The following DKK4 variants were observed in gnomAD, a reference collection of about 807,000 sequenced individuals.
DKK4 encodes dickkopf-related protein 4.
Under a neutral mutation model 14.5 loss-of-function variants are expected in DKK4, and 15 were observed. The ratio of observed to expected loss-of-function variants is 1.03; its 90% CI spans 0.69 to 1.59. The LOEUF (loss-of-function observed/expected upper bound fraction) is 1.59. Ranked by LOEUF, DKK4 falls within the 40% of genes most tolerant of loss-of-function variation. The pLI is 0.00. For synonymous variants in DKK4, 89 were observed against 105.2 expected (o/e 0.85, Z 0.94); for missense variants, 272 against 280.3 (o/e 0.97, Z 0.21).
chr8:42,384,701 C>T, the DKK4 span, among the ~76,000 whole-genome samples: 3 of 152,080 alleles, frequency 2.0e-5, no homozygotes, highest in African/African-American at 4.8e-5. Context: ...ATGAAGACAC[C>T]GAGACTCGGA....
In DKK4 at chr8:42,377,068, A is replaced by C; in HGVS notation, c.-23T>G. 1 of 1,603,134 alleles carries C rather than the reference A, an allele frequency of 6.2e-7. No individual in the cohort carries two copies. Among genetic ancestry groups the C allele is most frequent in the Non-Finnish European group, 8.5e-7 (1 of 1,174,084 alleles). On this transcript the variant is annotated 5_prime_UTR_variant, in exon 1 of 4. Transcript: ENST00000220812. ...CATCCTTCAATCCCGGGGCTCCTGG[A>C]GGGTCCCAGCACTGTGCGTCACCAA... is the stretch of plus-strand genomic sequence containing the variant.
the DKK4 span, among the ~76,000 whole-genome samples, chr8:42,382,726 G>A: frequency 2.8e-3 from 431 of 152,356 alleles, 1 homozygote; most frequent in African/African-American, 8.8e-3. Flanking sequence ...ATTTCAGGCT[G>A]ATGCTTCAAG....
Position 42,374,168 on chromosome 8 carries a change from G to C in DKK4, c.607C>G (p.Arg203Gly). ...RCDCGPGLLC[R>G]SQLTSNRQHA... is the part of the protein sequence containing the mutation. ...TGCCGATTGCTGGTCAATTGGCTTCGACACAGTAGTCCAGGGCCACAGTCG... is the reference window on the plus strand; with the variant it reads ...TGCCGATTGCTGGTCAATTGGCTTCCACACAGTAGTCCAGGGCCACAGTCG... Residue 203 changes from arginine (R) to glycine (G), a missense_variant, in exon 4 of 4, where the codon CGA becomes GGA. By Grantham distance (125) the Arg-to-Gly change is moderately radical. Coordinates refer to ENST00000220812, the MANE Select transcript of DKK4 (RefSeq NM_014420.3). 1 of 1,613,470 alleles carries C rather than the reference G, an allele frequency of 6.2e-7. No individual in the cohort carries two copies. The highest frequency in any genetic ancestry group is 8.5e-7 in the Non-Finnish European group (1 of 1,180,004).
At chr8:42,375,851 C>G in intron 1 of DKK4, 21 bp from the exon 2 acceptor site, 1 of 1,612,392 alleles carries the variant, frequency 6.2e-7, no homozygotes, top group Non-Finnish European at 8.5e-7. Context: ...AATCTGTTAT[C>G]ACAAGGCTAG....
chr8:42,390,347 T>C, the DKK4 span, among the ~76,000 whole-genome samples: 1 of 148,186 alleles, frequency 6.7e-6, no homozygotes, highest in Admixed American at 6.7e-5. Flanking sequence ...TAGTGCCATA[T>C]CTTTTGCTTC....
the DKK4 span, among the ~76,000 whole-genome samples, chr8:42,390,424 C>T: frequency 2.3e-5 from 3 of 130,096 alleles, no homozygotes; most frequent in Admixed American, 9.1e-5. Context: ...AGTGCAGTGG[C>T]GCGATCTCGG....
chr8:42,379,780 T>A (rs1204170338), upstream of DKK4, among the ~76,000 whole-genome samples: 1 of 151,892 alleles, frequency 6.6e-6, no homozygotes, highest in Non-Finnish European at 1.5e-5. Context: ...CAGGTGCTAG[T>A]GAGAGATTGT....
the DKK4 span, among the ~76,000 whole-genome samples, chr8:42,389,795 G>GTTA: frequency 1.4e-4 from 21 of 151,914 alleles, no homozygotes; most frequent in Non-Finnish European, 3.1e-4. Context: ...TCATTTGAGG[G>GTTA]TTAGTTGCAG....
chr8:42,385,164 G>A, the DKK4 span, among the ~76,000 whole-genome samples: 117 of 152,318 alleles, frequency 7.7e-4, no homozygotes, highest in African/African-American at 2.6e-3. Context: ...GGACAAGGCA[G>A]GAGGATTGCT....
the DKK4 span, among the ~76,000 whole-genome samples, chr8:42,390,506 G>T: frequency 6.6e-6 from 1 of 151,244 alleles, no homozygotes; most frequent in Non-Finnish European, 1.5e-5. Context: ...TGGGACTACA[G>T]GCGCCCGCCA....
rs142986794 is a variant in DKK4 at position 42,375,719 on chromosome 8, G to A, written c.223C>T (p.Arg75Ter). 4.3e-6 allele frequency: 7 copies of A among 1,613,662 alleles called. No individual in the cohort carries two copies. The highest frequency in any genetic ancestry group is 1.3e-5 in the African/African-American group (1 of 74,864). ...TCRGLRRRCQ[R>*]DAMCCPGTLC... Reference sequence around the variant, plus strand: ...GTCCCAGGGCAGCACATGGCATCTCGCTGGCACCTCCTCCGCAACCCACGA... The same window carrying A: ...GTCCCAGGGCAGCACATGGCATCTCACTGGCACCTCCTCCGCAACCCACGA... Residue 75 changes from arginine (R) to a stop codon, truncating the protein, a stop_gained, in exon 2 of 4, where the codon CGA becomes TGA. Transcript: ENST00000220812. LOFTEE classifies it high-confidence loss of function.
At chr8:42,388,729 C>G in the DKK4 span, among the ~76,000 whole-genome samples, 1 of 151,064 alleles carries the variant, frequency 6.6e-6, no homozygotes, top group Non-Finnish European at 1.5e-5. Flanking sequence ...CACCACCACG[C>G]CCAGCTAATT....
upstream of DKK4, among the ~76,000 whole-genome samples, chr8:42,378,305 T>G (rs965959802): frequency 9.2e-5 from 14 of 152,220 alleles, no homozygotes; most frequent in African/African-American, 3.4e-4. Context: ...TACTACATTT[T>G]CCTGCAGAAC....
At chr8:42,376,911 C>T (rs1159271454) in intron 1 of DKK4, 24 bp downstream of exon 1, 8 of 1,597,490 alleles carry the variant, frequency 5.0e-6, no homozygotes, top group African/African-American at 4.0e-5. Flanking sequence ...TCCCGTACCT[C>T]GCCCCCCTCC....
the DKK4 span, among the ~76,000 whole-genome samples, chr8:42,386,335 A>G: frequency 1.3e-5 from 2 of 152,196 alleles, no homozygotes; most frequent in African/African-American, 4.8e-5. Flanking sequence ...TACACTGTAC[A>G]TATACTTTTG....
At position 42,377,012 on chromosome 8, in the gene DKK4, G is replaced by A; in HGVS notation, c.34C>T (p.Leu12Phe). ...ACCAGAGCTCCCAGGGGAGAGCAGA[G>A]CCAGCTCAGCCCCAGCAGGACGGCC... Reference protein sequence around the residue: ...VAAVLLGLSWLCSPLGALVLD... With the variant: ...VAAVLLGLSWFCSPLGALVLD... Residue 12 changes from leucine (L) to phenylalanine (F), a missense_variant, in exon 1 of 4, where the codon CTC becomes TTC. Coordinates refer to ENST00000220812, the MANE Select transcript of DKK4 (RefSeq NM_014420.3). The A allele has an allele frequency of 6.2e-7, 1 of 1,613,466 alleles. No individual in the cohort carries two copies. Among genetic ancestry groups the A allele is most frequent in the East Asian group, 2.2e-5 (1 of 44,876 alleles).
chr8:42,387,109 A>G, the DKK4 span, among the ~76,000 whole-genome samples: 3 of 152,164 alleles, frequency 2.0e-5, no homozygotes, highest in African/African-American at 7.2e-5. Context: ...TGCCCTGGAC[A>G]CGAAAGACGC....
At chr8:42,378,518 A>G (rs1824602667), upstream of DKK4, among the ~76,000 whole-genome samples, 3 of 152,154 alleles carry the variant, frequency 2.0e-5, no homozygotes, top group South Asian at 6.2e-4. Flanking sequence ...GACATCAAAC[A>G]ACACCCTTTG....
chr8:42,384,287 G>A, the DKK4 span, among the ~76,000 whole-genome samples: 2 of 152,278 alleles, frequency 1.3e-5, no homozygotes, highest in South Asian at 4.1e-4. Context: ...GGGATTATAG[G>A]TGCATGCCAC....
Sources: gnomAD v4.1 joint callset for allele counts (sites outside exome capture counted in the v4.1 genomes callset) on GRCh38, gnomAD v4.1.1 for gene constraint, MANE v1.5 for transcripts, NCBI Gene and HGNC (gene_info 2026-07-23, HGNC 2026-07-21) for gene names.